ALDH1L1: variants seen among roughly 807,000 people sequenced by gnomAD.
The protein encoded by ALDH1L1 is cytosolic 10-formyltetrahydrofolate dehydrogenase.
A neutral mutation model predicts 101.1 loss-of-function variants in ALDH1L1; 68 were observed. The observed-to-expected ratio is 0.67, with a 90% CI of 0.55 to 0.82. The LOEUF (loss-of-function observed/expected upper bound fraction) is 0.82, where lower values mean the gene tolerates loss of function less well. Among genes scored for constraint, ALDH1L1 ranks in the 40% least tolerant of loss-of-function variants. The pLI is 0.00. For synonymous variants in ALDH1L1, 486 were observed against 470.8 expected, an observed-to-expected ratio of 1.03 and a Z score of -0.42; for missense variants, 1,087 against 1,172.7, an observed-to-expected ratio of 0.93 and a Z score of 1.07.
intron 1 of ALDH1L1, among the ~76,000 whole-genome samples, chr3:126,162,288 T>C (rs2081075458): frequency 6.6e-6 from 1 of 152,226 alleles, no homozygotes; most frequent in Non-Finnish European, 1.5e-5. Flanking sequence ...ACGCTGCCAG[T>C]TTTCCAGAGT....
chr3:126,143,806 G>A (rs1164911457), intron 9 of ALDH1L1, among the ~76,000 whole-genome samples: 1 of 152,032 alleles, frequency 6.6e-6, no homozygotes, highest in African/African-American at 2.4e-5. Flanking sequence ...TTAGCTAGGT[G>A]TAGTGGTGCA....
At chr3:126,117,041 C>A (rs1014143904) in intron 17 of ALDH1L1, among the ~76,000 whole-genome samples, 4 of 152,014 alleles carry the variant, frequency 2.6e-5, no homozygotes, top group African/African-American at 9.7e-5. Flanking sequence ...TAAAGGAGTT[C>A]GAGACCAGGC....
intron 14 of ALDH1L1, 57 bp from the exon 15 acceptor site, chr3:126,125,778 C>T (rs2080170962): frequency 8.0e-7 from 1 of 1,248,470 alleles, no homozygotes; most frequent in African/African-American, 1.5e-5. Context: ...CCACAGTGGA[C>T]CTGCCAATTC....
chr3:126,180,157 G>A (rs1375811183), intron 1 of ALDH1L1: 1 of 152,904 alleles, frequency 6.5e-6, no homozygotes, highest in Non-Finnish European at 1.5e-5. Flanking sequence ...CGGGCCAGCA[G>A]TGCCCACCCC....
At chr3:126,179,229 T>C (rs1280538560) in intron 1 of ALDH1L1, among the ~76,000 whole-genome samples, 1 of 152,228 alleles carries the variant, frequency 6.6e-6, no homozygotes, top group Non-Finnish European at 1.5e-5. Context: ...ACTGGGAGGC[T>C]TCCTGGGCCT....
chr3:126,166,971 T>C (rs1426157159), intron 1 of ALDH1L1, among the ~76,000 whole-genome samples: 1 of 152,276 alleles, frequency 6.6e-6, no homozygotes, highest in Non-Finnish European at 1.5e-5. Context: ...GTCATTTTCA[T>C]TTATACTATA....
chr3:126,108,030 A>G (rs1277697851), intron 20 of ALDH1L1: 2 of 152,264 alleles, frequency 1.3e-5, no homozygotes, highest in Non-Finnish European at 2.9e-5. Flanking sequence ...ACCATGTTAA[A>G]AAGTTATTTA....
Position 126,131,499 on chromosome 3 carries a change from A to C in ALDH1L1, c.1508T>G (p.Leu503Arg). Reference protein sequence around the residue: ...ADLMEQHQEELATIEALDAGA... With the variant: ...ADLMEQHQEERATIEALDAGA... ...CGCATCCAGGGCCTCAATGGTGGCC[A>C]GCTCCTCCTGGTGCTGCTCCATGAG... The change falls in exon 13 of 23, where the codon CTG becomes CGG. Residue 503 changes from leucine to arginine, a missense_variant. Leu to Arg is a moderately radical substitution (Grantham distance 102). This residue lies in a region of ALDH1L1 where 442 missense variants were observed against 535.7 expected (regional missense o/e 0.83). Transcript: ENST00000393434. 1 of 1,612,950 alleles carries C rather than the reference A, an allele frequency of 6.2e-7. No homozygotes were observed. The highest frequency in any genetic ancestry group is 8.5e-7 in the Non-Finnish European group (1 of 1,179,020).
In ALDH1L1 at chr3:126,114,585, T is replaced by G. The variant is rs371488212; in HGVS notation, c.2054A>C (p.Asp685Ala). 2.7e-6 allele frequency: 4 copies of G among 1,508,978 alleles called. No individual in the cohort carries two copies. The African/African-American group carries it at 5.6e-5, about 21-fold the overall frequency. 93.5% of individuals were successfully genotyped at this position (1,508,978 alleles called of 1,614,324 possible). The part of the protein sequence containing the change: ...GGKSPLIIFA[D>A]CDLNKAVQMG... Reference sequence around the variant, plus strand: ...CTGCACAGCCTTGTTGAGGTCACAGTCAGCAAAGATGATGAGGGGTGACTT... The same window carrying G: ...CTGCACAGCCTTGTTGAGGTCACAGGCAGCAAAGATGATGAGGGGTGACTT... The change falls in exon 18 of 23, where the codon GAC becomes GCC. Residue 685 changes from aspartate (D) to alanine (A), a missense_variant. Physicochemically the swap from Asp to Ala is moderately radical, Grantham distance 126. This residue lies in a region of ALDH1L1 where 442 missense variants were observed against 535.7 expected (regional missense o/e 0.83). Coordinates refer to ENST00000393434, the MANE Select transcript of ALDH1L1 (RefSeq NM_012190.4).
At chr3:126,190,410 G>A (rs1176223471) in intron 1 of ALDH1L1, among the ~76,000 whole-genome samples, 1 of 152,202 alleles carries the variant, frequency 6.6e-6, no homozygotes, top group African/African-American at 2.4e-5. Flanking sequence ...ATGGAGTGCA[G>A]AGCCCTTAAC....
intron 9 of ALDH1L1, 31 bp from the exon 10 acceptor site, chr3:126,137,991 C>T (rs372720006): frequency 7.4e-5 from 120 of 1,612,720 alleles, no homozygotes; most frequent in Middle Eastern, 3.4e-4. Flanking sequence ...GATGGGGACA[C>T]GGGAGGGGCT....
intron 9 of ALDH1L1, among the ~76,000 whole-genome samples, chr3:126,144,472 A>G (rs868538192): frequency 5.9e-5 from 9 of 152,228 alleles, no homozygotes; most frequent in South Asian, 2.1e-4. Context: ...CAAAACTACA[A>G]TAATCAAAAT....
intron 7 of ALDH1L1, 111 bp from the exon 8 acceptor site, chr3:126,150,642 C>A: frequency 1.5e-6 from 2 of 1,319,302 alleles, no homozygotes; most frequent in Non-Finnish European, 2.0e-6. Flanking sequence ...ACAACCTCCG[C>A]CTCCCGGGTT....
At chr3:126,157,140 G>A (rs1379455198) in intron 4 of ALDH1L1, among the ~76,000 whole-genome samples, 5 of 152,098 alleles carry the variant, frequency 3.3e-5, no homozygotes, top group South Asian at 2.1e-4. Flanking sequence ...GGTTCTGTCC[G>A]TTGTGAGCAA....
intron 12 of ALDH1L1, among the ~76,000 whole-genome samples, chr3:126,133,229 G>A (rs892186034): frequency 1.3e-5 from 2 of 152,188 alleles, no homozygotes; most frequent in Non-Finnish European, 2.9e-5. Flanking sequence ...AGCAGTTGTT[G>A]CCCATTGATA....
Position 126,153,492 on chromosome 3 carries a change from C to T in ALDH1L1, c.810G>A (p.Gly270=), listed in dbSNP as rs1576464822. 1 of 1,614,054 alleles carries T rather than the reference C, an allele frequency of 6.2e-7. No individual in the cohort carries two copies. Among genetic ancestry groups the T allele is most frequent in the Non-Finnish European group, 8.5e-7 (1 of 1,180,036 alleles). ...ALPIPGAHRP[G]VVTKAGLILF... Reference sequence around the variant, plus strand: ...GGATGAGTCCTGCTTTGGTGACCACCCCTGGCCGATGGGCTCCTGGGATGG... The same window carrying T: ...GGATGAGTCCTGCTTTGGTGACCACTCCTGGCCGATGGGCTCCTGGGATGG... The change falls in exon 7 of 23, where the codon GGG becomes GGA. Residue 270 remains glycine (G), a synonymous_variant. Transcript: ENST00000393434.
rs900618871 is a variant in ALDH1L1, at chr3:126,140,598, T to C, written c.1077-2638A>G. On this transcript the variant is annotated intron_variant, in intron 9 of 22. Transcript: ENST00000393434. ...ATAAAACAATAATTTTAAATATATA[T>C]TAATGGGTATACAATGTATAAAAAT... Among the ~76,000 whole-genome samples, 5 of 152,072 alleles carry C rather than the reference T, an allele frequency of 3.3e-5. No individual in the cohort carries two copies. The South Asian group carries it at 8.3e-4, about 25-fold the overall frequency.
At chr3:126,155,309 C>T (rs1559958673) in intron 5 of ALDH1L1, 93 bp downstream of exon 5, 6 of 1,113,984 alleles carry the variant, frequency 5.4e-6, no homozygotes, top group Middle Eastern at 2.1e-4. Context: ...CAACCTGCAC[C>T]ATCTGGGCTG....
chr3:126,180,327 C>T (rs2081451131), intron 1 of ALDH1L1, 149 bp downstream of exon 1: 9 of 500,128 alleles, frequency 1.8e-5, no homozygotes, highest in Non-Finnish European at 2.1e-5. Flanking sequence ...GCCCGGCGTC[C>T]CAGCGGCGAA....
Sources: gnomAD v4.1 joint callset for allele counts (sites outside exome capture counted in the v4.1 genomes callset) on GRCh38, gnomAD v4.1.1 for gene constraint, gnomAD v4.1.1 regional missense constraint, MANE v1.5 for transcripts, NCBI Gene and HGNC (gene_info 2026-07-23, HGNC 2026-07-21) for gene names.